The following LINGO2 variants were observed in gnomAD, a reference collection of about 807,000 sequenced individuals.
The protein encoded by LINGO2 is leucine rich repeat and Ig domain containing 2.
A neutral mutation model predicts 30.6 loss-of-function variants in LINGO2; 14 were observed. The observed-to-expected ratio is 0.46, with a 90% confidence interval of 0.30 to 0.72. LINGO2 has a LOEUF of 0.72. Among genes scored for constraint, LINGO2 ranks in the 30% least tolerant of loss-of-function variants. The pLI is 0.07. For missense variants in LINGO2, 729 were observed against 751.7 expected (o/e 0.97, Z 0.35); for synonymous variants, 317 against 288.5 (o/e 1.10, Z -1.00).
chr9:28,956,061 T>C, the LINGO2 span, among the ~76,000 whole-genome samples: 1 of 137,598 alleles, frequency 7.3e-6, no homozygotes, highest in Admixed American at 7.9e-5. Flanking sequence ...AAAAAAAAAT[T>C]AGGTGACTCT....
At chr9:28,706,869 C>G in the LINGO2 span, among the ~76,000 whole-genome samples, 13 of 152,036 alleles carry the variant, frequency 8.6e-5, no homozygotes, top group African/African-American at 3.1e-4. Context: ...TGCTCTTTAC[C>G]TGAAACTTTG....
the LINGO2 span, among the ~76,000 whole-genome samples, chr9:28,702,921 G>A: frequency 1.3e-5 from 2 of 151,808 alleles, no homozygotes; most frequent in African/African-American, 2.4e-5. Context: ...TGGGCACAGA[G>A]TTATTAATAG....
chr9:29,206,189 A>G, the LINGO2 span, among the ~76,000 whole-genome samples: 2 of 152,128 alleles, frequency 1.3e-5, no homozygotes, highest in African/African-American at 4.8e-5. Context: ...CAAGTTGTCT[A>G]TTTCTTCTTG....
At chr9:28,544,267 T>C (rs946457332) in intron 1 of LINGO2, among the ~76,000 whole-genome samples, 2 of 152,140 alleles carry the variant, frequency 1.3e-5, no homozygotes, top group African/African-American at 4.8e-5. Flanking sequence ...TGGCATAATT[T>C]TGAAGACCTC....
chr9:28,090,816 C>T (rs570912644), intron 4 of LINGO2, among the ~76,000 whole-genome samples: 87 of 152,290 alleles, frequency 5.7e-4, no homozygotes, highest in African/African-American at 1.9e-3. Flanking sequence ...CAGAAAACCC[C>T]ATCGTCTTAG....
chr9:28,013,976 G>A (rs768819844), intron 4 of LINGO2, among the ~76,000 whole-genome samples: 3 of 152,132 alleles, frequency 2.0e-5, no homozygotes, highest in Non-Finnish European at 2.9e-5. Flanking sequence ...CATTGCTAAG[G>A]TGAAGAAGTA....
intron 4 of LINGO2, among the ~76,000 whole-genome samples, chr9:28,137,198 G>C (rs914755345): frequency 1.4e-5 from 2 of 148,102 alleles, no homozygotes; most frequent in African/African-American, 2.5e-5. Flanking sequence ...GAAAATCCCT[G>C]ACACACACAC....
At chr9:28,178,933 C>T (rs1828822513) in intron 4 of LINGO2, among the ~76,000 whole-genome samples, 1 of 152,088 alleles carries the variant, frequency 6.6e-6, no homozygotes, top group Admixed American at 6.6e-5. Flanking sequence ...TGAATCTATG[C>T]TCCATTGGGT....
At chr9:28,335,325 G>C (rs911929654) in intron 3 of LINGO2, among the ~76,000 whole-genome samples, 1 of 152,148 alleles carries the variant, frequency 6.6e-6, no homozygotes, top group Admixed American at 6.6e-5. Flanking sequence ...AATGAATATA[G>C]AGAGGTCTTC....
At chr9:28,181,875 T>C (rs1017947265) in intron 4 of LINGO2, among the ~76,000 whole-genome samples, 11 of 152,274 alleles carry the variant, frequency 7.2e-5, no homozygotes, top group East Asian at 5.8e-4. Context: ...ATCATGAAAA[T>C]GGCCATACCA....
chr9:28,179,415 T>A (rs1186571006), intron 4 of LINGO2, among the ~76,000 whole-genome samples: 1 of 130,294 alleles, frequency 7.7e-6, no homozygotes, highest in Non-Finnish European at 1.6e-5. Flanking sequence ...TATAGTATAC[T>A]ATATGTATGT....
At chr9:29,175,027 G>A in the LINGO2 span, among the ~76,000 whole-genome samples, 6 of 152,110 alleles carry the variant, frequency 3.9e-5, no homozygotes, top group Admixed American at 1.3e-4. Context: ...TTGGGAGGCC[G>A]ATGTGAGGGG....
At chr9:29,023,387 T>C in the LINGO2 span, among the ~76,000 whole-genome samples, 1 of 152,150 alleles carries the variant, frequency 6.6e-6, no homozygotes, top group South Asian at 2.1e-4. Context: ...CCCTATTTAT[T>C]TTTTAGCAAA....
At chr9:28,284,436 C>T (rs1041189125) in intron 4 of LINGO2, among the ~76,000 whole-genome samples, 1 of 152,158 alleles carries the variant, frequency 6.6e-6, no homozygotes, top group East Asian at 1.9e-4. Flanking sequence ...CTGTGTTTAT[C>T]CCATTTCTTC....
chr9:29,106,180 T>G, the LINGO2 span, among the ~76,000 whole-genome samples: 1 of 152,198 alleles, frequency 6.6e-6, no homozygotes, highest in South Asian at 2.1e-4. Context: ...AATACAATAG[T>G]ATAGTAGGTA....
chr9:29,153,088 G>A, the LINGO2 span, among the ~76,000 whole-genome samples: 4 of 152,048 alleles, frequency 2.6e-5, no homozygotes, highest in Non-Finnish European at 4.4e-5. Context: ...AGAAATTAAT[G>A]AATAGATTAA....
chr9:28,674,016 T>C (rs1345981329), upstream of LINGO2, among the ~76,000 whole-genome samples: 1 of 151,510 alleles, frequency 6.6e-6, no homozygotes, highest in East Asian at 1.9e-4. Context: ...AAGTAGTCAG[T>C]AAACCTAATT....
intron 2 of LINGO2, among the ~76,000 whole-genome samples, chr9:28,404,926 G>GTGTGTGTGTGTGTGT: frequency 6.6e-6 from 1 of 150,812 alleles, no homozygotes; most frequent in East Asian, 1.9e-4. Flanking sequence ...GTGTGTGTGT[G>GTGTGTGTGTGTGTGT]TAAAATTCCA....
At chr9:29,013,433 A>G in the LINGO2 span, among the ~76,000 whole-genome samples, 1 of 151,674 alleles carries the variant, frequency 6.6e-6, no homozygotes, top group Non-Finnish European at 1.5e-5. Context: ...TAGTTGCTAT[A>G]GCTATAAAAT....
Sources: allele counts gnomAD v4.1 joint callset (sites outside exome capture counted in the v4.1 genomes callset), GRCh38; gene constraint gnomAD v4.1.1; transcripts MANE v1.5; gene names NCBI Gene and HGNC (gene_info 2026-07-23, HGNC 2026-07-21).